Variants in GPR55 observed in about 807,000 individuals in gnomAD.
The protein encoded by GPR55 is G protein-coupled receptor 55.
In GPR55, 6 loss-of-function variants were observed where a neutral mutation model predicts 7.9. The ratio of observed to expected loss-of-function variants is 0.76; its 90% CI spans 0.41 to 1.49. The LOEUF is 1.49. Ranked by LOEUF, GPR55 falls within the 40% of genes most tolerant of loss-of-function variation. The pLI is 0.01. For synonymous variants in GPR55, 183 were observed against 166.8 expected (o/e 1.10, Z -0.75); for missense variants, 376 against 406.0 (o/e 0.93, Z 0.63).
chr2:230,910,702 C>T lies in GPR55; in HGVS notation c.261G>A (p.Gln87=), dbSNP rs749997267. 5 of 1,613,808 alleles carry T rather than the reference C, an allele frequency of 3.1e-6. No homozygotes were observed. Among genetic ancestry groups the T allele is most frequent in the Non-Finnish European group, 4.2e-6 (5 of 1,179,840 alleles). The part of the protein sequence containing the change: ...LPFKMVLSQV[Q]SPFPSLCTLV... ...GGGTGCACAGGGACGGGAAGGGGGA[C>T]TGTACCTGGGACAGGACCATCTTGA... The change falls in exon 2 of 2, where the codon CAG becomes CAA. Residue 87 remains glutamine (Q), a synonymous_variant. Transcript: ENST00000650999. The surrounding 1 kb of genome is among the most constrained non-coding windows in gnomAD (Gnocchi z 5.4).
intron 1 of GPR55, among the ~76,000 whole-genome samples, chr2:230,914,071 A>G (rs1268838246): frequency 1.3e-5 from 2 of 152,354 alleles, no homozygotes; most frequent in East Asian, 3.9e-4. Flanking sequence ...AACTGCATGG[A>G]TGAATCCACC....
chr2:230,934,537 C>T lies in GPR55; in HGVS notation c.-134-23441G>A, dbSNP rs183419883. ...GAAGAACCAGGGACAGCCAGCCTGA[C>T]CCAGCCCAAGTGCTTAGCAAAATGC... On this transcript the variant is annotated intron_variant, in intron 1 of 1. Coordinates refer to the GPR55 transcript ENST00000392039. Among the ~76,000 whole-genome samples, 346 of 152,334 alleles carry T rather than the reference C, an allele frequency of 2.3e-3. 1 individual carries two copies. The highest frequency in any genetic ancestry group is 4.2e-3 in the Non-Finnish European group (285 of 68,028).
chr2:230,945,080 T>C (rs1475474498), intron 1 of GPR55, among the ~76,000 whole-genome samples: 3 of 152,230 alleles, frequency 2.0e-5, no homozygotes, highest in Non-Finnish European at 2.9e-5. Flanking sequence ...GATTTGTGTC[T>C]GCTGGCCCTC....
chr2:230,938,870 T>A (rs950055211), intron 1 of GPR55, among the ~76,000 whole-genome samples: 1 of 152,162 alleles, frequency 6.6e-6, no homozygotes, highest in Admixed American at 6.5e-5. Flanking sequence ...TCTAGCTGCA[T>A]CTCTTCTGGG....
At chr2:230,949,557 A>G (rs2125069185) in intron 1 of GPR55, among the ~76,000 whole-genome samples, 1 of 152,322 alleles carries the variant, frequency 6.6e-6, no homozygotes, top group South Asian at 2.1e-4. Context: ...GCACTTCTCA[A>G]AGTGTGGCTC....
intron 1 of GPR55, among the ~76,000 whole-genome samples, chr2:230,934,687 A>C (rs1429761761): frequency 1.3e-5 from 2 of 152,182 alleles, no homozygotes; most frequent in South Asian, 2.1e-4. Context: ...CCTGTTTGCT[A>C]TCTGGGGTGG....
At position 230,910,532 on chromosome 2, in the gene GPR55, G is replaced by A; in HGVS notation, c.431C>T (p.Thr144Ile). The change falls in exon 2 of 2, where the codon ACC (threonine) becomes ATC (isoleucine). Residue 144 changes from threonine to isoleucine, a missense_variant. Coordinates refer to ENST00000650999, the MANE Select transcript of GPR55 (RefSeq NM_005683.4). The surrounding 1 kb of genome is among the most constrained non-coding windows in gnomAD (Gnocchi z 5.4). ...SPRKIFGICC[T>I]IWVLVWTGSI... ...TCCGGTCCACACCAGGACCCAGATG[G>A]TGCAGCAGATCCCAAAGATCTTCCT... The A allele has an allele frequency of 6.2e-7, 1 of 1,614,158 alleles. No homozygotes were observed. The highest frequency in any genetic ancestry group is 1.3e-5 in the African/African-American group (1 of 75,050).
At chr2:230,939,801 C>T (rs947993701) in intron 1 of GPR55, among the ~76,000 whole-genome samples, 15 of 152,130 alleles carry the variant, frequency 9.9e-5, no homozygotes, top group African/African-American at 3.6e-4. Context: ...TCCCCAGGCA[C>T]GATGGGTGGA....
rs1231751516 is a variant in GPR55 at position 230,911,862 on chromosome 2, G to T, written c.-134-766C>A. 9.2e-5 allele frequency among the ~76,000 whole-genome samples: 14 copies of T among 152,300 alleles called. No homozygotes were observed. The East Asian group carries it at 2.7e-3, about 29-fold the overall frequency. On this transcript the variant is annotated intron_variant, in intron 1 of 1. Coordinates refer to ENST00000650999, the MANE Select transcript of GPR55 (RefSeq NM_005683.4). ...CGGGAGGACCAAGGCTGCAGGTGTGGTTGCACAGGGGTGTGGTCCGAGCCT... is the reference window on the plus strand; with the variant it reads ...CGGGAGGACCAAGGCTGCAGGTGTGTTTGCACAGGGGTGTGGTCCGAGCCT...
intron 1 of GPR55, among the ~76,000 whole-genome samples, chr2:230,952,191 A>G (rs1366953837): frequency 6.6e-6 from 1 of 152,230 alleles, no homozygotes; most frequent in Admixed American, 6.5e-5. Flanking sequence ...CAAGGCCTAT[A>G]GGGACAGGGA....
At chr2:230,947,379 T>C (rs1691335117) in intron 1 of GPR55, among the ~76,000 whole-genome samples, 1 of 152,216 alleles carries the variant, frequency 6.6e-6, no homozygotes, top group African/African-American at 2.4e-5. Flanking sequence ...TTTGCAATCC[T>C]AGAAGATTGC....
At chr2:230,937,677 T>G (rs1691153838) in intron 1 of GPR55, among the ~76,000 whole-genome samples, 1 of 152,036 alleles carries the variant, frequency 6.6e-6, no homozygotes, top group African/African-American at 2.4e-5. Flanking sequence ...GATTATTTGT[T>G]TTGTAGATTT....
chr2:230,934,362 A>G (rs1316215388), intron 1 of GPR55, among the ~76,000 whole-genome samples: 2 of 152,036 alleles, frequency 1.3e-5, no homozygotes, highest in African/African-American at 4.8e-5. Flanking sequence ...CCTCTCTCCG[A>G]CCCCAGCACA....
At chr2:230,950,273 G>A (rs768339589) in intron 1 of GPR55, among the ~76,000 whole-genome samples, 3 of 152,366 alleles carry the variant, frequency 2.0e-5, no homozygotes, top group East Asian at 1.9e-4. Flanking sequence ...ACATGATGTG[G>A]CAGAATGCAG....
intron 1 of GPR55, among the ~76,000 whole-genome samples, chr2:230,949,299 G>C (rs1691364410): frequency 6.6e-6 from 1 of 152,124 alleles, no homozygotes; most frequent in Non-Finnish European, 1.5e-5. Context: ...GAGTAGCTGG[G>C]ATTACAGGCA....
At chr2:230,925,123 G>A (rs780270328) in intron 1 of GPR55, 45 bp downstream of exon 1, 3 of 152,788 alleles carry the variant, frequency 2.0e-5, no homozygotes, top group Non-Finnish European at 4.4e-5. Flanking sequence ...GGTCAGGTTG[G>A]AGGCTCCGTG....
At chr2:230,912,846 G>C (rs1395539741) in intron 1 of GPR55, among the ~76,000 whole-genome samples, 1 of 152,222 alleles carries the variant, frequency 6.6e-6, no homozygotes, top group Non-Finnish European at 1.5e-5. Context: ...GAGAACAAAA[G>C]AACAAGCGTA....
chr2:230,954,375 A>C (rs184222271), intron 1 of GPR55, among the ~76,000 whole-genome samples: 1 of 152,238 alleles, frequency 6.6e-6, no homozygotes, highest in Non-Finnish European at 1.5e-5. Context: ...ACTCTCTTCT[A>C]GTTCATTTTC....
At chr2:230,931,669 C>T (rs914189334) in intron 1 of GPR55, among the ~76,000 whole-genome samples, 15 of 152,166 alleles carry the variant, frequency 9.9e-5, no homozygotes, top group African/African-American at 3.4e-4. Flanking sequence ...GCTGCACCCA[C>T]GAGGGCCCCA....
Sources: gnomAD v4.1 joint callset for allele counts (sites outside exome capture counted in the v4.1 genomes callset) on GRCh38, gnomAD v4.1.1 for gene constraint, Gnocchi (gnomAD v3.1) non-coding constraint, MANE v1.5 for transcripts, NCBI Gene and HGNC (gene_info 2026-07-23, HGNC 2026-07-21) for gene names.